CALB1: variants seen among roughly 807,000 people sequenced by gnomAD.
CALB1 encodes calbindin.
Under a neutral mutation model 46.7 loss-of-function variants are expected in CALB1, and 16 were observed. That is an observed-to-expected ratio of 0.34 (90% CI 0.23 to 0.52). The LOEUF (loss-of-function observed/expected upper bound fraction) is 0.52, where lower values mean the gene tolerates loss of function less well. Ranked by LOEUF, CALB1 falls within the 20% of genes least tolerant of loss-of-function variation. The pLI, the probability that CALB1 is intolerant of heterozygous loss-of-function variation, is 0.95. For synonymous variants in CALB1, 90 were observed against 112.8 expected, an observed-to-expected ratio of 0.80 and a Z score of 1.28; for missense variants, 224 against 300.3, an observed-to-expected ratio of 0.75 and a Z score of 1.88.
intron 5 of CALB1, among the ~76,000 whole-genome samples, chr8:90,068,230 A>T (rs1814435359): frequency 6.6e-6 from 1 of 152,188 alleles, no homozygotes; most frequent in African/African-American, 2.4e-5. Context: ...GATTTATTAC[A>T]CTCATTTTAA....
chr8:90,066,646 T>C (rs537858909), intron 5 of CALB1, among the ~76,000 whole-genome samples: 1 of 152,118 alleles, frequency 6.6e-6, no homozygotes, highest in African/African-American at 2.4e-5. Flanking sequence ...TAGAGATTAA[T>C]GTGGGAAGGA....
rs148917857 is a variant in CALB1, at chr8:90,065,695, C to T, written c.450+203G>A. On this transcript the variant is annotated intron_variant, in intron 6 of 10. Coordinates refer to ENST00000265431, the MANE Select transcript of CALB1 (RefSeq NM_004929.4). ...GGAAGAAAATGCTCATATGTTGAGT[C>T]TTAAAGCCAATGCCTGCAGAACTCA... 2.3e-3 allele frequency among the ~76,000 whole-genome samples: 352 copies of T among 151,890 alleles called. 2 individuals carry two copies. Among genetic ancestry groups the T allele is most frequent in the African/African-American group, 7.3e-3 (305 of 41,534 alleles).
chr8:90,073,252 A>G (rs1372146142), intron 3 of CALB1, among the ~76,000 whole-genome samples: 1 of 152,114 alleles, frequency 6.6e-6, no homozygotes, highest in Non-Finnish European at 1.5e-5. Flanking sequence ...GTTGGGGTGG[A>G]CATTGTGATA....
chr8:90,076,001 C>T (rs1259354564), intron 3 of CALB1, among the ~76,000 whole-genome samples: 2 of 152,058 alleles, frequency 1.3e-5, no homozygotes, highest in South Asian at 2.1e-4. Flanking sequence ...GTTTCTTCAT[C>T]CTTAAAATAA....
intron 2 of CALB1, among the ~76,000 whole-genome samples, chr8:90,078,649 ATTAT>A: frequency 6.6e-6 from 1 of 152,160 alleles, no homozygotes; most frequent in East Asian, 1.9e-4. Context: ...TGTAATCATG[ATTAT>A]TTCTCAATTA....
At chr8:90,077,212 A>G (rs1489258495) in intron 3 of CALB1, among the ~76,000 whole-genome samples, 5 of 152,004 alleles carry the variant, frequency 3.3e-5, no homozygotes, top group African/African-American at 4.8e-5. Flanking sequence ...TTATCTATTT[A>G]TATAGTAATG....
At position 90,060,244 on chromosome 8, in the gene CALB1, T is replaced by G; in HGVS notation, c.715A>C (p.Met239Leu). 6.2e-7 allele frequency: 1 copy of G among 1,612,746 alleles called. No individual in the cohort carries two copies. Among genetic ancestry groups the G allele is most frequent in the Non-Finnish European group, 8.5e-7 (1 of 1,178,722 alleles). ...AGCTTCCCTCCATCCGACAAAGCCA[T>G]TATGTTCTTCTTGTATGTTGTAATA... Reference protein sequence around the residue: ...NNITTYKKNIMALSDGGKLYR... With the variant: ...NNITTYKKNILALSDGGKLYR... Residue 239 changes from methionine to leucine, a missense_variant, in exon 11 of 11, where the codon ATG becomes CTG. Met to Leu is a conservative substitution (Grantham distance 15). Transcript: ENST00000265431.
At chr8:90,075,264 A>G (rs1014153079) in intron 3 of CALB1, among the ~76,000 whole-genome samples, 2 of 152,206 alleles carry the variant, frequency 1.3e-5, no homozygotes, top group African/African-American at 2.4e-5. Flanking sequence ...TTTGAATGAC[A>G]TCTTTCAGAG....
At chr8:90,064,999 C>T (rs1814366267) in intron 6 of CALB1, among the ~76,000 whole-genome samples, 1 of 151,802 alleles carries the variant, frequency 6.6e-6, no homozygotes, top group Non-Finnish European at 1.5e-5. Context: ...CTAACTCCTT[C>T]TTCAATCTAA....
rs1396102625 is a variant in CALB1 at position 90,065,985 on chromosome 8, C to T, written c.373-10G>A. 6.4e-7 allele frequency: 1 copy of T among 1,554,066 alleles called. No individual in the cohort carries two copies. The highest frequency in any genetic ancestry group is 1.7e-5 in the Admixed American group (1 of 59,626). On this transcript the variant is annotated splice_polypyrimidine_tract_variant and intron_variant, in intron 5 of 10. Transcript: ENST00000265431. ...GGTCCTTTAGAAAGTTCTGTTAAAA[C>T]AAAGAACACTTAGATTAATTTCATT...
intron 3 of CALB1, among the ~76,000 whole-genome samples, chr8:90,071,792 A>C (rs976365630): frequency 6.6e-6 from 1 of 152,228 alleles, no homozygotes; most frequent in South Asian, 2.1e-4. Flanking sequence ...ATAAGTGTTC[A>C]TTTAGGAAAC....
intron 2 of CALB1, among the ~76,000 whole-genome samples, chr8:90,078,855 C>CT (rs1814667924): frequency 6.6e-6 from 1 of 151,920 alleles, no homozygotes; most frequent in Non-Finnish European, 1.5e-5. Context: ...TTTTCTCATT[C>CT]TAACATAATG....
chr8:90,061,277 C>T (rs371834759), intron 9 of CALB1: 2 of 152,080 alleles, frequency 1.3e-5, no homozygotes, highest in Non-Finnish European at 2.9e-5. Flanking sequence ...GTGTGGGATT[C>T]GAATCAGGAG....
At chr8:90,063,242 C>T in intron 8 of CALB1, 39 bp downstream of exon 8, 1 of 1,559,388 alleles carries the variant, frequency 6.4e-7, no homozygotes, top group Non-Finnish European at 8.8e-7. Flanking sequence ...TCTAGCTTTT[C>T]AAGGAAAATA....
intron 9 of CALB1, 141 bp downstream of exon 9, chr8:90,062,959 A>G: frequency 1.7e-6 from 1 of 589,616 alleles, no homozygotes; most frequent in South Asian, 2.2e-5. Context: ...ATTATATAAG[A>G]TGGATAAATT....
intron 2 of CALB1, among the ~76,000 whole-genome samples, chr8:90,079,173 C>A (rs1360557627): frequency 6.6e-6 from 1 of 151,850 alleles, no homozygotes; most frequent in Non-Finnish European, 1.5e-5. Context: ...TTCTATTCTA[C>A]GTCCTTGGGA....
chr8:90,062,908 G>T, intron 9 of CALB1, 192 bp downstream of exon 9: 1 of 490,718 alleles, frequency 2.0e-6, no homozygotes, highest in Non-Finnish European at 3.6e-6. Context: ...GCTGGGGGAA[G>T]GAGAAATGAC....
intron 9 of CALB1, chr8:90,061,349 T>C (rs1814293937): frequency 6.6e-6 from 1 of 152,180 alleles, no homozygotes; most frequent in African/African-American, 2.4e-5. Context: ...ATTTGTGTAA[T>C]TTTCATAATC....
intron 9 of CALB1, chr8:90,061,391 A>C (rs1814294542): frequency 6.6e-6 from 1 of 152,200 alleles, no homozygotes; most frequent in African/African-American, 2.4e-5. Flanking sequence ...ATCAAATTAT[A>C]GATAAGAACA....
Sources: gnomAD v4.1 joint callset for allele counts (sites outside exome capture counted in the v4.1 genomes callset) on GRCh38, gnomAD v4.1.1 for gene constraint, MANE v1.5 for transcripts, NCBI Gene and HGNC (gene_info 2026-07-23, HGNC 2026-07-21) for gene names.